Variants in CIP2A observed in about 807,000 individuals in gnomAD.
CIP2A encodes the protein protein CIP2A.
In CIP2A, 103 loss-of-function variants were observed where a neutral mutation model predicts 110.9. The ratio of observed to expected loss-of-function variants is 0.93; its 90% CI spans 0.79 to 1.09. The LOEUF (loss-of-function observed/expected upper bound fraction) is 1.09. Ranked by LOEUF, CIP2A falls within the 50% of genes least tolerant of loss-of-function variation. The pLI, the probability that CIP2A is intolerant of heterozygous loss-of-function variation, is 0.00. For missense variants in CIP2A, 1,088 were observed against 1,038.4 expected, an observed-to-expected ratio of 1.05 and a Z score of -0.66; for synonymous variants, 381 against 361.6, an observed-to-expected ratio of 1.05 and a Z score of -0.61.
intron 8 of CIP2A, among the ~76,000 whole-genome samples, chr3:108,571,794 C>T (rs1048309059): frequency 8.6e-5 from 13 of 152,010 alleles, no homozygotes; most frequent in East Asian, 1.9e-4. Context: ...ATTTCTGGGT[C>T]GTAGTTTATA....
At chr3:108,578,713 G>A (rs1216905991) in intron 7 of CIP2A, among the ~76,000 whole-genome samples, 3 of 152,132 alleles carry the variant, frequency 2.0e-5, no homozygotes, top group Admixed American at 2.0e-4. Context: ...AAGGCCACAA[G>A]CTTGTTGGAA....
At chr3:108,551,684 T>C (rs921708404) in intron 20 of CIP2A, among the ~76,000 whole-genome samples, 1 of 152,018 alleles carries the variant, frequency 6.6e-6, no homozygotes, top group Non-Finnish European at 1.5e-5. Context: ...TGTTACTCAG[T>C]AGTAGTAGTA....
chr3:108,552,130 T>TA, intron 20 of CIP2A, 104 bp downstream of exon 20: 1 of 846,712 alleles, frequency 1.2e-6, no homozygotes, highest in Non-Finnish European at 1.8e-6. Flanking sequence ...TAATATCTTC[T>TA]AAAAAATTTG....
At position 108,565,486 on chromosome 3, in the gene CIP2A, A is replaced by C. The variant is rs138715003; in HGVS notation, c.1416-32T>G. On this transcript the variant is annotated intron_variant, in intron 11 of 20. Coordinates refer to ENST00000295746, the MANE Select transcript of CIP2A (RefSeq NM_020890.3). ...AGATAAATCACATTTAAATTAGATAACTGAAAAATTTCTTAGAGCTTGTTT... is the reference window on the plus strand; with the variant it reads ...AGATAAATCACATTTAAATTAGATACCTGAAAAATTTCTTAGAGCTTGTTT... 17 of 1,231,858 alleles carry C rather than the reference A, an allele frequency of 1.4e-5. No homozygotes were observed. The African/African-American group carries it at 2.5e-4, about 18-fold the overall frequency. The allele number at this position is 1,231,858 out of a possible 1,614,324, so 76.3% of individuals were successfully genotyped here.
chr3:108,555,404 A>G (rs1035641592), intron 17 of CIP2A, among the ~76,000 whole-genome samples: 1 of 152,184 alleles, frequency 6.6e-6, no homozygotes, highest in Non-Finnish European at 1.5e-5. Flanking sequence ...GGAAGGTAAT[A>G]GTAGCCTAAA....
intron 11 of CIP2A, 63 bp downstream of exon 11, chr3:108,566,434 A>G (rs776416244): frequency 3.9e-6 from 5 of 1,296,784 alleles, no homozygotes; most frequent in Non-Finnish European, 5.5e-6. Context: ...AAAGGATGAG[A>G]ATCACCACAT....
chr3:108,573,058 G>A (rs1938452227), intron 8 of CIP2A, among the ~76,000 whole-genome samples: 1 of 151,886 alleles, frequency 6.6e-6, no homozygotes, highest in Admixed American at 6.6e-5. Context: ...ATGAGATAAT[G>A]TAATTTTTCT....
chr3:108,580,634 TG>T (rs896280941), intron 5 of CIP2A, among the ~76,000 whole-genome samples: 3 of 150,136 alleles, frequency 2.0e-5, no homozygotes, highest in African/African-American at 7.6e-5. Flanking sequence ...TAATATACTT[TG>T]TTTTTTTTTT....
At chr3:108,567,133 C>T (rs780335782) in intron 10 of CIP2A, among the ~76,000 whole-genome samples, 8 of 151,768 alleles carry the variant, frequency 5.3e-5, no homozygotes, top group Admixed American at 1.3e-4. Flanking sequence ...GTAGTTTAAA[C>T]AATCACAAAC....
intron 7 of CIP2A, among the ~76,000 whole-genome samples, chr3:108,577,647 C>T (rs1380944788): frequency 1.3e-5 from 2 of 152,126 alleles, no homozygotes; most frequent in African/African-American, 4.8e-5. Context: ...GCCTGTAATC[C>T]CAGCACTTTG....
intron 5 of CIP2A, among the ~76,000 whole-genome samples, chr3:108,581,212 C>T (rs113574380): frequency 2.6e-5 from 4 of 152,168 alleles, no homozygotes; most frequent in African/African-American, 9.6e-5. Flanking sequence ...ACCCTTAACA[C>T]ACAGTCTTCA....
chr3:108,557,104 A>C (rs900705311), intron 17 of CIP2A, 114 bp downstream of exon 17: 1 of 586,358 alleles, frequency 1.7e-6, no homozygotes. Context: ...TACTTACCTC[A>C]TGTGTTATCA....
At chr3:108,556,209 A>G (rs1937796528) in intron 17 of CIP2A, among the ~76,000 whole-genome samples, 1 of 152,168 alleles carries the variant, frequency 6.6e-6, no homozygotes, top group African/African-American at 2.4e-5. Context: ...ACCCTTCATT[A>G]TTATTGATGG....
intron 1 of CIP2A, among the ~76,000 whole-genome samples, chr3:108,587,118 T>C (rs973140401): frequency 6.6e-6 from 1 of 151,402 alleles, no homozygotes; most frequent in African/African-American, 2.5e-5. Flanking sequence ...TTCAGAAAAT[T>C]GTTTGGCAGT....
intron 3 of CIP2A, among the ~76,000 whole-genome samples, 195 bp from the exon 4 acceptor site, chr3:108,582,397 A>G (rs1938912978): frequency 6.6e-6 from 1 of 152,202 alleles, no homozygotes; most frequent in Non-Finnish European, 1.5e-5. Context: ...TCTGTCTCAG[A>G]GCATGGTTAT....
intron 8 of CIP2A, 133 bp from the exon 9 acceptor site, chr3:108,569,740 C>A: frequency 1.5e-6 from 1 of 680,160 alleles, no homozygotes; most frequent in Non-Finnish European, 2.5e-6. Context: ...TTTTTTCTTT[C>A]AATATTATTT....
At chr3:108,570,195 T>C (rs540571419) in intron 8 of CIP2A, among the ~76,000 whole-genome samples, 1 of 151,958 alleles carries the variant, frequency 6.6e-6, no homozygotes, top group Non-Finnish European at 1.5e-5. Flanking sequence ...TCCACCTCAT[T>C]TCACATACTA....
intron 5 of CIP2A, among the ~76,000 whole-genome samples, chr3:108,580,566 T>C (rs1938834925): frequency 6.6e-6 from 1 of 151,794 alleles, no homozygotes; most frequent in Non-Finnish European, 1.5e-5. Flanking sequence ...TAATGCTGAA[T>C]AGCACAGCAG....
intron 1 of CIP2A, among the ~76,000 whole-genome samples, chr3:108,587,213 CA>C: frequency 6.6e-6 from 1 of 152,132 alleles, no homozygotes; most frequent in East Asian, 1.9e-4. Flanking sequence ...CATATATCCA[CA>C]AAAAATGTAT....
Sources: allele counts gnomAD v4.1 joint callset (sites outside exome capture counted in the v4.1 genomes callset), GRCh38; gene constraint gnomAD v4.1.1; transcripts MANE v1.5; gene names NCBI Gene and HGNC (gene_info 2026-07-23, HGNC 2026-07-21).